The following FRMPD4 variants were observed in gnomAD, a reference collection of about 807,000 sequenced individuals.
FRMPD4 encodes the protein FERM and PDZ domain-containing protein 4.
A neutral mutation model predicts 94.1 loss-of-function variants in FRMPD4; 22 were observed. The observed-to-expected ratio is 0.23, with a 90% CI of 0.17 to 0.33. The LOEUF (loss-of-function observed/expected upper bound fraction) is 0.33, where lower values mean the gene tolerates loss of function less well. Ranked by LOEUF, FRMPD4 falls within the 10% of genes least tolerant of loss-of-function variation. The probability of loss-of-function intolerance (pLI) is 1.00; values close to 1 mark genes in which losing one functional copy is unlikely to be tolerated. For synonymous variants in FRMPD4, 631 were observed against 548.6 expected (o/e 1.15, Z -2.10); for missense variants, 1,111 against 1,339.9 (o/e 0.83, Z 2.67).
chrX:12,558,839 G>A (rs58001683), intron 2 of FRMPD4, among the ~76,000 whole-genome samples: 5,298 of 111,917 alleles, frequency 0.047, 345 homozygotes, highest in African/African-American at 0.16. Context: ...GTTCGAGGCT[G>A]TAGTACACCA....
chrX:12,141,127 C>G (rs1160139457), intron 1 of FRMPD4, among the ~76,000 whole-genome samples: 3 of 112,194 alleles, frequency 2.7e-5, no homozygotes, highest in Non-Finnish European at 5.6e-5. Context: ...GTGTTTTAAA[C>G]ACTGTTACAG....
At chrX:12,096,626 A>G in intron 3 of FRMPD4, among the ~76,000 whole-genome samples, 1 of 111,956 alleles carries the variant, frequency 8.9e-6, no homozygotes, top group East Asian at 2.8e-4. Flanking sequence ...GCTCATGCCT[A>G]TAATCTCAGA....
At chrX:12,601,616 T>C (rs1019259842) in intron 2 of FRMPD4, among the ~76,000 whole-genome samples, 1 of 112,266 alleles carries the variant, frequency 8.9e-6, no homozygotes, top group African/African-American at 3.2e-5. Flanking sequence ...CCTAAACTCA[T>C]GTGTGCGATC....
intron 3 of FRMPD4, among the ~76,000 whole-genome samples, chrX:12,104,085 C>T (rs911553105): frequency 8.9e-6 from 1 of 112,191 alleles, no homozygotes; most frequent in African/African-American, 3.2e-5. Context: ...AGAAAAAATG[C>T]GGGCCAAACT....
intron 1 of FRMPD4, among the ~76,000 whole-genome samples, chrX:12,474,436 C>G (rs1462972232): frequency 1.8e-5 from 2 of 111,066 alleles, no homozygotes; most frequent in Non-Finnish European, 3.8e-5. Flanking sequence ...CAAAAGCTAG[C>G]AGAAGGCAAG....
At chrX:11,921,062 C>T (rs376263665) in intron 3 of FRMPD4, among the ~76,000 whole-genome samples, 48 of 112,174 alleles carry the variant, frequency 4.3e-4, no homozygotes, top group Non-Finnish European at 7.1e-4. Context: ...GGTCCTATTA[C>T]GTAAGGAGAT....
At chrX:12,355,298 C>A (rs924345154) in intron 1 of FRMPD4, among the ~76,000 whole-genome samples, 1 of 110,860 alleles carries the variant, frequency 9.0e-6, no homozygotes, top group African/African-American at 3.3e-5. Context: ...ACCTCAGCCT[C>A]CTGAATAGCT....
chrX:12,258,297 G>T (rs2054141674), intron 1 of FRMPD4, among the ~76,000 whole-genome samples: 1 of 110,689 alleles, frequency 9.0e-6, no homozygotes, highest in African/African-American at 3.3e-5. Context: ...CTGCCTTCAT[G>T]ACTGGATTAA....
At chrX:12,501,546 C>A (rs928373492) in intron 2 of FRMPD4, among the ~76,000 whole-genome samples, 7 of 109,087 alleles carry the variant, frequency 6.4e-5, no homozygotes, top group African/African-American at 2.0e-4. Flanking sequence ...TTTCTGTACT[C>A]ATTAGTTTTA....
intron 3 of FRMPD4, among the ~76,000 whole-genome samples, chrX:11,945,108 G>A (rs952595266): frequency 3.6e-5 from 4 of 111,306 alleles, no homozygotes; most frequent in Non-Finnish European, 7.5e-5. Flanking sequence ...GCTACCTTGA[G>A]GATTCCAGTG....
chrX:12,164,281 G>A (rs1370808284), intron 1 of FRMPD4, among the ~76,000 whole-genome samples: 1 of 110,951 alleles, frequency 9.0e-6, no homozygotes, highest in Non-Finnish European at 1.9e-5. Context: ...CCACCTATGA[G>A]TGAGAACATG....
intron 2 of FRMPD4, among the ~76,000 whole-genome samples, chrX:12,561,949 G>A (rs1179730590): frequency 3.6e-5 from 4 of 112,562 alleles, no homozygotes; most frequent in African/African-American, 9.7e-5. Flanking sequence ...ATTGTAGCAG[G>A]TGTGTGGAAA....
intron 1 of FRMPD4, among the ~76,000 whole-genome samples, chrX:12,195,667 A>G (rs1471657236): frequency 8.9e-6 from 1 of 111,890 alleles, no homozygotes; most frequent in Non-Finnish European, 1.9e-5. Flanking sequence ...CCCAGGTGGG[A>G]AAAACAACCG....
intron 3 of FRMPD4, among the ~76,000 whole-genome samples, chrX:11,995,098 C>A (rs2054489697): frequency 9.0e-6 from 1 of 111,400 alleles, no homozygotes; most frequent in Non-Finnish European, 1.9e-5. Context: ...GGTCTTTGGG[C>A]CTTTATGTTT....
At chrX:12,593,736 T>G (rs771360845) in intron 2 of FRMPD4, among the ~76,000 whole-genome samples, 1 of 111,840 alleles carries the variant, frequency 8.9e-6, no homozygotes, top group Non-Finnish European at 1.9e-5. Flanking sequence ...TCCCTCGGTC[T>G]CATGTTTCTT....
intron 1 of FRMPD4, among the ~76,000 whole-genome samples, chrX:12,148,474 A>C (rs2055801826): frequency 8.9e-6 from 1 of 112,602 alleles, no homozygotes; most frequent in African/African-American, 3.2e-5. Context: ...GTTTGAAGCT[A>C]GCAGGGATTA....
chrX:12,445,250 AT>A (rs1211307067), intron 1 of FRMPD4, among the ~76,000 whole-genome samples: 1 of 112,448 alleles, frequency 8.9e-6, no homozygotes, highest in African/African-American at 3.2e-5. Flanking sequence ...CCCTCTACAG[AT>A]TTACTGAATC....
chrX:12,139,540 CTTTT>C (rs34758220), intron 1 of FRMPD4, among the ~76,000 whole-genome samples: 7 of 83,244 alleles, frequency 8.4e-5, no homozygotes, highest in African/African-American at 2.2e-4. Context: ...GACTTTCAGC[CTTTT>C]TTTTTTTGGG....
intron 1 of FRMPD4, among the ~76,000 whole-genome samples, chrX:12,284,052 T>C (rs912022488): frequency 8.9e-6 from 1 of 112,123 alleles, no homozygotes; most frequent in African/African-American, 3.2e-5. Flanking sequence ...CTGTGGAAGA[T>C]AGTTTTATTT....
Sources: allele counts gnomAD v4.1 joint callset (sites outside exome capture counted in the v4.1 genomes callset), GRCh38; gene constraint gnomAD v4.1.1; transcripts MANE v1.5; gene names NCBI Gene and HGNC (gene_info 2026-07-23, HGNC 2026-07-21).